The following MME variants were observed in gnomAD, a reference collection of about 807,000 sequenced individuals.
MME encodes the protein membrane metalloendopeptidase.
A neutral mutation model predicts 113.2 loss-of-function variants in MME; 98 were observed. The observed-to-expected ratio is 0.87, with a 90% CI of 0.74 to 1.02. The LOEUF (loss-of-function observed/expected upper bound fraction) is 1.02. Among genes scored for constraint, MME ranks in the 50% least tolerant of loss-of-function variants. The probability of loss-of-function intolerance (pLI) is 0.00; values close to 1 mark genes in which losing one functional copy is unlikely to be tolerated. For missense variants in MME, 836 were observed against 896.0 expected, an observed-to-expected ratio of 0.93 and a Z score of 0.86; for synonymous variants, 292 against 300.6, an observed-to-expected ratio of 0.97 and a Z score of 0.30.
chr3:155,060,269 G>A (rs1030598842), intron 1 of MME, among the ~76,000 whole-genome samples: 5 of 152,232 alleles, frequency 3.3e-5, no homozygotes, highest in African/African-American at 1.2e-4. Flanking sequence ...CATTATTAAA[G>A]ATCCTTCTTG....
intron 1 of MME, among the ~76,000 whole-genome samples, chr3:155,050,090 T>C (rs986868032): frequency 2.6e-5 from 4 of 152,166 alleles, no homozygotes; most frequent in African/African-American, 9.7e-5. Context: ...TCATATTTGG[T>C]TTTCTCTTCC....
intron 1 of MME, among the ~76,000 whole-genome samples, chr3:155,038,617 T>A (rs1229495949): frequency 1.3e-5 from 2 of 152,190 alleles, no homozygotes; most frequent in African/African-American, 4.8e-5. Flanking sequence ...CTGTTTATCC[T>A]TGAGGAATAT....
intron 1 of MME, among the ~76,000 whole-genome samples, chr3:155,042,734 G>A: frequency 6.6e-6 from 1 of 151,416 alleles, no homozygotes; most frequent in Admixed American, 6.6e-5. Context: ...TGCTTTCACT[G>A]ACTTTATTTA....
chr3:155,114,611 T>C (rs1421066414), intron 3 of MME, among the ~76,000 whole-genome samples: 1 of 152,176 alleles, frequency 6.6e-6, no homozygotes, highest in Admixed American at 6.5e-5. Flanking sequence ...AGAGCAGAGT[T>C]GGCAACTAAA....
At chr3:155,175,304 T>C (rs75334148) in intron 22 of MME, among the ~76,000 whole-genome samples, 3,266 of 152,082 alleles carry the variant, frequency 0.021, 73 homozygotes, top group East Asian at 0.13. Context: ...TTTTCTTTCC[T>C]ATTATTGTAT....
intron 8 of MME, among the ~76,000 whole-genome samples, chr3:155,125,028 C>G (rs1456731147): frequency 6.6e-6 from 1 of 151,724 alleles, no homozygotes; most frequent in Non-Finnish European, 1.5e-5. Flanking sequence ...CTCGCTGCCG[C>G]CTTGCAGTTT....
intron 3 of MME, among the ~76,000 whole-genome samples, chr3:155,098,882 G>T (rs1319753096): frequency 6.6e-6 from 1 of 151,968 alleles, no homozygotes; most frequent in Non-Finnish European, 1.5e-5. Context: ...ATATCAAGAT[G>T]GTAGAACTTA....
At position 155,182,120 on chromosome 3, in the gene MME, C is replaced by T. The variant is rs1713152329; in HGVS notation, c.*1661C>T. 1 of 152,184 alleles carries T rather than the reference C, an allele frequency of 6.6e-6. No individual in the cohort carries two copies. Among genetic ancestry groups the T allele is most frequent in the African/African-American group, 2.4e-5 (1 of 41,446 alleles). The allele number at this position is 152,184 out of a possible 1,614,324, so 9.4% of individuals were successfully genotyped here. A position where few individuals can be genotyped will look rare whatever the true frequency, so the allele number is the denominator to read the frequency against. On this transcript the variant is annotated 3_prime_UTR_variant, in exon 23 of 23. Coordinates refer to ENST00000360490, the MANE Select transcript of MME (RefSeq NM_007289.4). ...CAACAACTATCCTGACTTCTAATAT[C>T]ATTCACTAGCTTTGCCTGGTTTTGT...
rs966304708 is a variant in MME, at chr3:155,121,401, C to A, written c.720+2590C>A. Reference sequence around the variant, plus strand: ...ACTTCCTCTTTTCCTAATTGGATACCCTTTATTTCCTTCTCTTGCCTAATT... The same window carrying A: ...ACTTCCTCTTTTCCTAATTGGATACACTTTATTTCCTTCTCTTGCCTAATT... On this transcript the variant is annotated intron_variant, in intron 8 of 22. Transcript: ENST00000360490. 6.0e-3 allele frequency among the ~76,000 whole-genome samples: 915 copies of A among 151,378 alleles called. 7 individuals carry two copies. The highest frequency in any genetic ancestry group is 0.021 in the African/African-American group (885 of 41,366).
intron 8 of MME, among the ~76,000 whole-genome samples, chr3:155,134,097 A>T (rs565710015): frequency 1.1e-4 from 17 of 151,958 alleles, no homozygotes; most frequent in Middle Eastern, 3.2e-3. Context: ...TTGTCTTTTC[A>T]TTTCTGTTAC....
chr3:155,119,385 T>G (rs1576607828), intron 8 of MME, among the ~76,000 whole-genome samples: 2 of 151,106 alleles, frequency 1.3e-5, no homozygotes, highest in East Asian at 1.9e-4. Flanking sequence ...CAACCTTGCC[T>G]CCCTTGGGCT....
At chr3:155,157,313 G>A (rs1428123994) in intron 16 of MME, among the ~76,000 whole-genome samples, 1 of 152,120 alleles carries the variant, frequency 6.6e-6, no homozygotes, top group East Asian at 1.9e-4. Context: ...GATGAGAAAT[G>A]GAAGAACAGT....
At chr3:155,177,674 T>G (rs1453751114) in intron 22 of MME, among the ~76,000 whole-genome samples, 1 of 152,168 alleles carries the variant, frequency 6.6e-6, no homozygotes, top group Non-Finnish European at 1.5e-5. Flanking sequence ...TCTCACATGG[T>G]CCAAATAGTG....
chr3:155,167,453 T>C (rs1305053661), intron 18 of MME, among the ~76,000 whole-genome samples: 3 of 152,228 alleles, frequency 2.0e-5, no homozygotes, highest in Admixed American at 1.3e-4. Flanking sequence ...CTTTTTTTTT[T>C]CGTCTTGTAC....
chr3:155,042,970 AG>A (rs1486698041), intron 1 of MME, among the ~76,000 whole-genome samples: 3 of 110,332 alleles, frequency 2.7e-5, no homozygotes, highest in Non-Finnish European at 5.5e-5. Flanking sequence ...CACATTTGTA[AG>A]TATAGAAAAA....
At chr3:155,143,363 A>G in intron 12 of MME, 80 bp from the exon 13 acceptor site, 2 of 1,512,776 alleles carry the variant, frequency 1.3e-6, no homozygotes, top group Non-Finnish European at 1.8e-6. Flanking sequence ...CTTAGATGAG[A>G]CATTTGTGAA....
intron 3 of MME, among the ~76,000 whole-genome samples, chr3:155,103,853 C>A (rs1197576746): frequency 6.6e-6 from 1 of 152,206 alleles, no homozygotes; most frequent in East Asian, 1.9e-4. Flanking sequence ...TCATAACACA[C>A]AAATTCAAAT....
intron 1 of MME, among the ~76,000 whole-genome samples, chr3:155,024,907 C>A (rs948441384): frequency 2.0e-5 from 3 of 152,118 alleles, no homozygotes; most frequent in Non-Finnish European, 4.4e-5. Flanking sequence ...GGGGTGATAT[C>A]TTTGGAAGCA....
chr3:155,031,956 G>A (rs1389233725), intron 1 of MME, among the ~76,000 whole-genome samples: 3 of 152,182 alleles, frequency 2.0e-5, no homozygotes, highest in African/African-American at 7.2e-5. Flanking sequence ...ATCGCACCCG[G>A]CCACCAGCTT....
Sources: allele counts gnomAD v4.1 joint callset (sites outside exome capture counted in the v4.1 genomes callset), GRCh38; gene constraint gnomAD v4.1.1; transcripts MANE v1.5; gene names NCBI Gene and HGNC (gene_info 2026-07-23, HGNC 2026-07-21).